AMOT: variants seen among roughly 807,000 people sequenced by gnomAD.
The protein encoded by AMOT is angiomotin.
In AMOT, 11 loss-of-function variants were observed where a neutral mutation model predicts 67.0. The ratio of observed to expected loss-of-function variants is 0.16; its 90% CI spans 0.10 to 0.27. The LOEUF is 0.27. Among genes scored for constraint, AMOT ranks in the 10% least tolerant of loss-of-function variants. AMOT has a pLI of 1.00. For missense variants in AMOT, 753 were observed against 852.0 expected, an observed-to-expected ratio of 0.88 and a Z score of 1.45; for synonymous variants, 326 against 321.4, an observed-to-expected ratio of 1.01 and a Z score of -0.15.
intron 6 of AMOT, 49 bp downstream of exon 6, chrX:112,811,199 AC>A: frequency 8.3e-7 from 1 of 1,197,892 alleles, no homozygotes; most frequent in Non-Finnish European, 1.1e-6. Context: ...TCCCTTCACC[AC>A]CCTGCAGCTG....
At chrX:112,837,497 CTTTCTT>C (rs942260388) in intron 1 of AMOT, among the ~76,000 whole-genome samples, 2 of 111,334 alleles carry the variant, frequency 1.8e-5, no homozygotes, top group Middle Eastern at 4.7e-3. Flanking sequence ...TATTTTCTTT[CTTTCTT>C]TTTCTTTTTC....
chrX:112,782,714 T>A (rs1427155613), intron 10 of AMOT, 52 bp from the exon 11 acceptor site: 1 of 1,159,529 alleles, frequency 8.6e-7, no homozygotes, highest in African/African-American at 1.8e-5. Flanking sequence ...GATCAATGAA[T>A]GTTATCTTTC....
At chrX:112,796,930 C>T (rs979166941) in intron 8 of AMOT, among the ~76,000 whole-genome samples, 4 of 111,786 alleles carry the variant, frequency 3.6e-5, no homozygotes, top group African/African-American at 1.3e-4. Context: ...ATCCTACCAC[C>T]GCCACTAAAG....
chrX:112,838,232 G>A (rs1935178766), intron 1 of AMOT, among the ~76,000 whole-genome samples: 1 of 111,896 alleles, frequency 8.9e-6, no homozygotes, highest in Admixed American at 9.5e-5. Context: ...CTTTTCTGGG[G>A]TAAAGGAAAA....
intron 8 of AMOT, among the ~76,000 whole-genome samples, chrX:112,797,484 A>G (rs1034762776): frequency 3.6e-5 from 4 of 112,003 alleles, no homozygotes; most frequent in Non-Finnish European, 7.5e-5. Flanking sequence ...TAGTCATTTA[A>G]GAAAAAAAGC....
Position 112,814,993 on chromosome X carries a change from C to T in AMOT, c.1392+365G>A, listed in dbSNP as rs1602809485. 3.6e-5 allele frequency among the ~76,000 whole-genome samples: 4 copies of T among 112,170 alleles called. No homozygotes were observed. The Admixed American group carries it at 3.8e-4, about 11-fold the overall frequency. On this transcript the variant is annotated intron_variant, in intron 5 of 13. Transcript: ENST00000371959. Reference sequence around the variant, plus strand: ...CATATTTGGGAAAATGTGACCAAGACAATGAGCCTTAAGGTGCCGTCAGAT... The same window carrying T: ...CATATTTGGGAAAATGTGACCAAGATAATGAGCCTTAAGGTGCCGTCAGAT...
intron 8 of AMOT, among the ~76,000 whole-genome samples, chrX:112,792,432 A>G (rs756728920): frequency 9.8e-5 from 11 of 112,601 alleles, no homozygotes; most frequent in African/African-American, 3.2e-4. Flanking sequence ...TTTGGTATGG[A>G]AAGAAAGCCC....
intron 8 of AMOT, 39 bp downstream of exon 8, chrX:112,804,908 C>CA: frequency 5.3e-6 from 5 of 947,039 alleles, no homozygotes; most frequent in Non-Finnish European, 7.4e-6. Flanking sequence ...TCCCAGCCCT[C>CA]CCACCCCCAG....
rs185586422 is a variant in AMOT, at chrX:112,839,508, C to A, written c.-289+944G>T. Among the ~76,000 whole-genome samples, 49 of 111,652 alleles carry A rather than the reference C, an allele frequency of 4.4e-4. 1 individual carries two copies. In the South Asian group the frequency reaches 8.9e-3, roughly 20 times the overall value. On this transcript the variant is annotated intron_variant, in intron 1 of 13. Coordinates refer to ENST00000371959, the MANE Select transcript of AMOT (RefSeq NM_001113490.2). Reference sequence around the variant, plus strand: ...GCCTCCCAACGTCCACTCTTCATGGCGGGGAGGGAGGAGAACTTCATGCAC... The same window carrying A: ...GCCTCCCAACGTCCACTCTTCATGGAGGGGAGGGAGGAGAACTTCATGCAC...
At chrX:112,788,161 C>CGGGT (rs1933438635) in intron 10 of AMOT, among the ~76,000 whole-genome samples, 3 of 109,893 alleles carry the variant, frequency 2.7e-5, no homozygotes, top group African/African-American at 3.3e-5. Context: ...TGGTGGCACA[C>CGGGT]GCCTATAGTC....
chrX:112,809,746 A>C, intron 7 of AMOT, 148 bp downstream of exon 7: 1 of 471,110 alleles, frequency 2.1e-6, no homozygotes, highest in Non-Finnish European at 3.6e-6. Flanking sequence ...GAATCTTCCA[A>C]CTTCATGCCT....
chrX:112,782,515 C>T, intron 11 of AMOT, 25 bp downstream of exon 11: 1 of 1,210,847 alleles, frequency 8.3e-7, no homozygotes, highest in Non-Finnish European at 1.1e-6. Flanking sequence ...TCTCAGATTC[C>T]TCAGGGTCCA....
At chrX:112,795,191 A>C (rs189307556) in intron 8 of AMOT, among the ~76,000 whole-genome samples, 1 of 110,438 alleles carries the variant, frequency 9.1e-6, no homozygotes, top group East Asian at 2.9e-4. Flanking sequence ...AGGCAAAACA[A>C]ATTCTCTTTC....
intron 8 of AMOT, among the ~76,000 whole-genome samples, chrX:112,795,758 G>A (rs767797220): frequency 9.0e-6 from 1 of 111,121 alleles, no homozygotes; most frequent in Non-Finnish European, 1.9e-5. Flanking sequence ...TGTGTTTTAC[G>A]TATTAGGGTT....
Position 112,815,577 on chromosome X carries a change from G to T in AMOT, c.1173C>A (p.His391Gln), listed in dbSNP as rs781022452. The T allele has an allele frequency of 1.7e-6, 2 of 1,208,279 alleles. No homozygotes were observed. The highest frequency in any genetic ancestry group is 2.2e-5 in the Admixed American group (1 of 45,603). Residue 391 changes from histidine (H) to glutamine (Q), a missense_variant, in exon 5 of 14, where the codon CAC becomes CAA. His to Gln is a conservative substitution (Grantham distance 24, BLOSUM62 0). Around this residue, in one of 5 missense-constraint regions of AMOT, gnomAD observed 297 missense variants for 284.3 expected, o/e 1.04. Transcript: ENST00000371959. ...QQQQHHHHHH[H>Q]QQQQQQQPQQ... ...GTGGCTGCTGCTGCTGCTGTTGTTG[G>T]TGGTGATGGTGATGATGGTGCTGCT...
Position 112,786,326 on chromosome X carries a change from T to C in AMOT, c.2118-3664A>G, listed in dbSNP as rs72619753. Among the ~76,000 whole-genome samples the C allele has an allele frequency of 1.9e-4, 21 of 112,431 alleles. No individual in the cohort carries two copies. The East Asian group carries it at 5.0e-3, about 27-fold the overall frequency. Reference sequence around the variant, plus strand: ...GAAACATTACACATTCTGAGAAAGGTAGCAACCTAATTCAGTAAATGCAAG... The same window carrying C: ...GAAACATTACACATTCTGAGAAAGGCAGCAACCTAATTCAGTAAATGCAAG... On this transcript the variant is annotated intron_variant, in intron 10 of 13. Coordinates refer to ENST00000371959, the MANE Select transcript of AMOT (RefSeq NM_001113490.2).
chrX:112,815,574 T>TTGGTGGTGA lies in AMOT; in HGVS notation c.1167_1175dup (p.His389_His391dup), dbSNP rs1389717017. 1.7e-6 allele frequency: 2 copies of TTGGTGGTGA among 1,207,758 alleles called. No individual in the cohort carries two copies. The highest frequency in any genetic ancestry group is 2.2e-6 in the Non-Finnish European group (2 of 894,126). On this transcript the variant is annotated inframe_insertion, in exon 5 of 14. Coordinates refer to ENST00000371959, the MANE Select transcript of AMOT (RefSeq NM_001113490.2). ...GCTGTGGCTGCTGCTGCTGCTGTTG[T>TTGGTGGTGA]TGGTGGTGATGGTGATGATGGTGCT...
intron 5 of AMOT, among the ~76,000 whole-genome samples, chrX:112,812,888 C>T (rs1256808178): frequency 8.9e-6 from 1 of 112,277 alleles, no homozygotes; most frequent in African/African-American, 3.2e-5. Flanking sequence ...AGGCTTATGC[C>T]ACAGAAAAGA....
intron 11 of AMOT, 70 bp from the exon 12 acceptor site, chrX:112,781,188 T>C: frequency 9.7e-7 from 1 of 1,032,373 alleles, no homozygotes; most frequent in Middle Eastern, 3.6e-4. Flanking sequence ...ACGCCTGTAA[T>C]CCCAGCATTT....
Sources: allele counts gnomAD v4.1 joint callset (sites outside exome capture counted in the v4.1 genomes callset), GRCh38; gene constraint gnomAD v4.1.1; regional missense constraint gnomAD v4.1.1; transcripts MANE v1.5; gene names NCBI Gene and HGNC (gene_info 2026-07-23, HGNC 2026-07-21).